The following TRPM3 variants were observed in gnomAD, a reference collection of about 807,000 sequenced individuals.
TRPM3 encodes the protein transient receptor potential cation channel subfamily M member 3, also known as long transient receptor potential channel 3.
In TRPM3, 77 loss-of-function variants were observed where a neutral mutation model predicts 181.2. The ratio of observed to expected loss-of-function variants is 0.42; its 90% confidence interval spans 0.35 to 0.51. The LOEUF is 0.51. TRPM3 is among the 20% of genes least tolerant of loss of function. The pLI, the probability that TRPM3 is intolerant of heterozygous loss-of-function variation, is 0.01. For missense variants in TRPM3, 1,759 were observed against 2,196.7 expected (o/e 0.80, Z 3.98); for synonymous variants, 745 against 796.4 (o/e 0.94, Z 1.09).
intron 1 of TRPM3, among the ~76,000 whole-genome samples, chr9:71,241,355 T>C (rs2081657906): frequency 6.6e-6 from 1 of 152,062 alleles, no homozygotes; most frequent in Non-Finnish European, 1.5e-5. Flanking sequence ...AAAAATTCAG[T>C]TGGTTCAATT....
intron 22 of TRPM3, among the ~76,000 whole-genome samples, chr9:70,564,279 A>G (rs929656291): frequency 6.6e-6 from 1 of 152,050 alleles, no homozygotes; most frequent in African/African-American, 2.4e-5. Flanking sequence ...AAAATAAGTT[A>G]CTCTTTCAGA....
intron 1 of TRPM3, among the ~76,000 whole-genome samples, chr9:71,080,891 A>T (rs1282300527): frequency 1.3e-5 from 2 of 152,204 alleles, no homozygotes; most frequent in African/African-American, 4.8e-5. Flanking sequence ...CACAGTAAGC[A>T]TGAACGTCCT....
intron 1 of TRPM3, among the ~76,000 whole-genome samples, chr9:71,446,095 T>C (rs918386906): frequency 1.3e-5 from 2 of 152,232 alleles, no homozygotes; most frequent in Non-Finnish European, 2.9e-5. Context: ...ACGCTGTATA[T>C]GTTAAGCAGT....
intron 8 of TRPM3, among the ~76,000 whole-genome samples, chr9:70,756,794 C>T (rs1252890038): frequency 6.6e-6 from 1 of 152,080 alleles, no homozygotes; most frequent in Non-Finnish European, 1.5e-5. Flanking sequence ...CCAGTAAGAA[C>T]AAAGACACAA....
At chr9:71,408,049 G>A (rs1253155628) in intron 1 of TRPM3, among the ~76,000 whole-genome samples, 1 of 152,148 alleles carries the variant, frequency 6.6e-6, no homozygotes, top group Non-Finnish European at 1.5e-5. Flanking sequence ...GAAAGGAATA[G>A]CATCAACAAC....
At chr9:70,836,315 C>T (rs1018210273) in intron 5 of TRPM3, among the ~76,000 whole-genome samples, 1 of 152,118 alleles carries the variant, frequency 6.6e-6, no homozygotes, top group Non-Finnish European at 1.5e-5. Flanking sequence ...CCAGTCTCCC[C>T]CCATCTTAAA....
intron 3 of TRPM3, among the ~76,000 whole-genome samples, chr9:70,855,523 A>G (rs2095363844): frequency 6.6e-6 from 1 of 152,204 alleles, no homozygotes; most frequent in Admixed American, 6.5e-5. Flanking sequence ...TTCTACTGTA[A>G]GGCCATCTTT....
intron 1 of TRPM3, among the ~76,000 whole-genome samples, chr9:71,381,422 G>A (rs1387567171): frequency 6.6e-6 from 1 of 152,078 alleles, no homozygotes; most frequent in Non-Finnish European, 1.5e-5. Flanking sequence ...TCACAATGTG[G>A]CCATTTCAAT....
intron 1 of TRPM3, among the ~76,000 whole-genome samples, chr9:71,274,458 C>G (rs575990970): frequency 6.6e-6 from 1 of 152,284 alleles, no homozygotes; most frequent in South Asian, 2.1e-4. Context: ...TACCGGGCCA[C>G]TTATATTACA....
intron 1 of TRPM3, among the ~76,000 whole-genome samples, chr9:71,172,064 A>C (rs958809295): frequency 1.3e-5 from 2 of 152,004 alleles, no homozygotes; most frequent in Non-Finnish European, 2.9e-5. Context: ...ATACCTGGCC[A>C]GTTTTTTTGT....
chr9:71,151,414 A>G (rs932146894), intron 1 of TRPM3, among the ~76,000 whole-genome samples: 1 of 152,120 alleles, frequency 6.6e-6, no homozygotes, highest in East Asian at 1.9e-4. Context: ...TATAAATTCT[A>G]AAAGTACAGA....
At chr9:70,978,584 G>A (rs1236416198) in intron 1 of TRPM3, among the ~76,000 whole-genome samples, 1 of 152,160 alleles carries the variant, frequency 6.6e-6, no homozygotes, top group Non-Finnish European at 1.5e-5. Context: ...TATTTCCGAT[G>A]CTTTCATTTG....
intron 1 of TRPM3, among the ~76,000 whole-genome samples, chr9:71,310,863 A>T (rs1362086610): frequency 6.6e-6 from 1 of 152,160 alleles, no homozygotes; most frequent in Non-Finnish European, 1.5e-5. Flanking sequence ...ATGATAAAAC[A>T]GCCTAATGTT....
chr9:71,445,452 C>A (rs1485744190), intron 1 of TRPM3, among the ~76,000 whole-genome samples: 1 of 152,038 alleles, frequency 6.6e-6, no homozygotes, highest in African/African-American at 2.4e-5. Context: ...CGGTGCTATA[C>A]CCATATTTAG....
At chr9:70,900,371 C>T (rs913140182) in intron 1 of TRPM3, among the ~76,000 whole-genome samples, 1 of 147,010 alleles carries the variant, frequency 6.8e-6, no homozygotes, top group African/African-American at 2.5e-5. Context: ...AAACAAACAA[C>T]AAAAAAAAAC....
intron 1 of TRPM3, among the ~76,000 whole-genome samples, chr9:71,199,559 T>G (rs2078636891): frequency 6.6e-6 from 1 of 152,238 alleles, no homozygotes; most frequent in South Asian, 2.1e-4. Flanking sequence ...GAGCCTGTTA[T>G]TGATCTATTC....
At chr9:71,302,070 T>C (rs1416324875) in intron 1 of TRPM3, among the ~76,000 whole-genome samples, 2 of 152,054 alleles carry the variant, frequency 1.3e-5, no homozygotes, top group Non-Finnish European at 2.9e-5. Flanking sequence ...ACTCCAAATG[T>C]CTACATAAAA....
At chr9:70,964,985 A>G (rs2097171852) in intron 1 of TRPM3, among the ~76,000 whole-genome samples, 1 of 151,942 alleles carries the variant, frequency 6.6e-6, no homozygotes, top group African/African-American at 2.4e-5. Flanking sequence ...TCTGAACAGA[A>G]TCTCATTGTT....
chr9:70,629,325 T>TTTTTG (rs1187543655), intron 12 of TRPM3, among the ~76,000 whole-genome samples: 3 of 148,944 alleles, frequency 2.0e-5, no homozygotes, highest in African/African-American at 7.4e-5. Flanking sequence ...CCTCTTCCGT[T>TTTTTG]TTTTGTTTTG....
Sources: allele counts gnomAD v4.1 joint callset (sites outside exome capture counted in the v4.1 genomes callset), GRCh38; gene constraint gnomAD v4.1.1; transcripts MANE v1.5; gene names NCBI Gene and HGNC (gene_info 2026-07-23, HGNC 2026-07-21).